DENND2B: variants seen among roughly 807,000 people sequenced by gnomAD.
DENND2B encodes DENN domain-containing protein 2B.
DENND2B carries 32 observed loss-of-function variants against 116.0 expected under a neutral mutation model. The observed-to-expected ratio is 0.28, with a 90% confidence interval of 0.21 to 0.37. The LOEUF (loss-of-function observed/expected upper bound fraction) is 0.37, where lower values mean the gene tolerates loss of function less well. Ranked by LOEUF, DENND2B falls within the 10% of genes least tolerant of loss-of-function variation. DENND2B has a pLI of 1.00. For missense variants in DENND2B, 1,276 were observed against 1,477.7 expected, an observed-to-expected ratio of 0.86 and a Z score of 2.24; for synonymous variants, 588 against 583.9, an observed-to-expected ratio of 1.01 and a Z score of -0.10.
At position 8,707,277 on chromosome 11, in the gene DENND2B, T is replaced by TC; in HGVS notation, c.2431-53dup. ...AGGAAGGGTGTCAGGGCACTGCCCT[T>TC]CCCCCTCCTGGCAGAGAAGAGGGCA... On this transcript the variant is annotated intron_variant, in intron 12 of 19. Transcript: ENST00000313726. The surrounding 1 kb of genome is among the most constrained non-coding windows in gnomAD (Gnocchi z 4.8). 6.4e-7 allele frequency: 1 copy of TC among 1,569,446 alleles called. No homozygotes were observed. The highest frequency in any genetic ancestry group is 1.2e-5 in the South Asian group (1 of 84,774).
intron 5 of DENND2B, among the ~76,000 whole-genome samples, chr11:8,716,308 C>G (rs2044768925): frequency 1.3e-5 from 2 of 152,220 alleles, no homozygotes; most frequent in Admixed American, 6.5e-5. Flanking sequence ...CACAGGGGCT[C>G]TGGGCTCTGA....
At chr11:8,735,950 G>T (rs1199827974) in intron 2 of DENND2B, among the ~76,000 whole-genome samples, 1 of 152,216 alleles carries the variant, frequency 6.6e-6, no homozygotes, top group Non-Finnish European at 1.5e-5. Context: ...CTCAAACTGA[G>T]ACTCGGAGGG....
At chr11:8,872,329 A>T (rs1235532405), upstream of DENND2B, among the ~76,000 whole-genome samples, 2 of 152,036 alleles carry the variant, frequency 1.3e-5, no homozygotes, top group Non-Finnish European at 2.9e-5. Context: ...TCTACTAAAA[A>T]TACGAAAGTT....
chr11:8,783,736 G>A (rs1164297639), intron 1 of DENND2B, among the ~76,000 whole-genome samples: 1 of 150,050 alleles, frequency 6.7e-6, no homozygotes, highest in Non-Finnish European at 1.5e-5. Context: ...TCTGGTAATA[G>A]CAGATGAGTT....
chr11:8,754,029 G>GTGCACACACACACACACA (rs1555169750), intron 1 of DENND2B, among the ~76,000 whole-genome samples: 2 of 138,734 alleles, frequency 1.4e-5, no homozygotes, highest in African/African-American at 2.7e-5. Flanking sequence ...CCAAAAGCGC[G>GTGCACACACACACACACA]CACACACACA....
upstream of DENND2B, among the ~76,000 whole-genome samples, chr11:8,813,923 C>T (rs1006455933): frequency 3.3e-5 from 5 of 152,166 alleles, no homozygotes; most frequent in African/African-American, 1.2e-4. Flanking sequence ...AGCTGAATCC[C>T]ACCACTGCCT....
At position 8,698,969 on chromosome 11, in the gene DENND2B, C is replaced by G. The variant is rs750902969; in HGVS notation, c.2904G>C (p.Leu968=). 2.5e-6 allele frequency: 4 copies of G among 1,614,182 alleles called. No homozygotes were observed. Among genetic ancestry groups the G allele is most frequent in the Non-Finnish European group, 3.4e-6 (4 of 1,180,046 alleles). ...KLKELPVEEA[L]MVNLGSDRFI... is the part of the protein sequence containing the mutation. ...ATCGGTCAGATCCCAGATTCACCAT[C>G]AGCGCCTGAGAAAAGGAGTCATTAG... Residue 968 remains leucine, a synonymous_variant, in exon 16 of 20, where the codon CTG becomes CTC. Transcript: ENST00000313726.
chr11:8,843,695 T>A (rs1179015619), intron 3 of DENND2B, among the ~76,000 whole-genome samples: 2 of 152,142 alleles, frequency 1.3e-5, no homozygotes, highest in African/African-American at 4.8e-5. Flanking sequence ...AATAATACGC[T>A]GTCTGGCTGC....
intron 13 of DENND2B, among the ~76,000 whole-genome samples, chr11:8,705,516 G>A (rs1353098481): frequency 6.6e-6 from 1 of 152,124 alleles, no homozygotes; most frequent in Non-Finnish European, 1.5e-5. Context: ...CCCCAGGACT[G>A]AGGAGGACCC....
intron 1 of DENND2B, among the ~76,000 whole-genome samples, chr11:8,902,065 T>A (rs927797603): frequency 6.6e-6 from 1 of 152,168 alleles, no homozygotes. Flanking sequence ...CGGTGGCTCA[T>A]GCCTGTAATC....
chr11:8,882,484 A>G (rs2063913712), intron 1 of DENND2B, among the ~76,000 whole-genome samples: 1 of 152,196 alleles, frequency 6.6e-6, no homozygotes, highest in African/African-American at 2.4e-5. Flanking sequence ...TTATTTATCT[A>G]TCAGTATAAG....
chr11:8,699,968 G>A (rs1456749586), intron 14 of DENND2B: 4 of 456,274 alleles, frequency 8.8e-6, no homozygotes, highest in Non-Finnish European at 1.8e-5. Flanking sequence ...ACAAGACCTT[G>A]GGATCGTCCC....
chr11:8,767,930 CAG>C (rs2056158362), intron 1 of DENND2B, among the ~76,000 whole-genome samples: 1 of 152,138 alleles, frequency 6.6e-6, no homozygotes, highest in African/African-American at 2.4e-5. Context: ...GGCAGTGACT[CAG>C]AAAAGGAATG....
At chr11:8,718,414 G>A (rs983476637) in intron 4 of DENND2B, 3 of 1,529,562 alleles carry the variant, frequency 2.0e-6, no homozygotes, top group South Asian at 1.2e-5. Context: ...GGCTTCGCCA[G>A]GCCCCCTTCT....
intron 3 of DENND2B, among the ~76,000 whole-genome samples, chr11:8,847,096 T>A (rs575716632): frequency 2.0e-5 from 3 of 152,246 alleles, no homozygotes; most frequent in Admixed American, 2.0e-4. Flanking sequence ...GGCTTCACAC[T>A]TGCTAACCAC....
At chr11:8,761,385 C>T (rs2054594583) in intron 1 of DENND2B, among the ~76,000 whole-genome samples, 1 of 152,178 alleles carries the variant, frequency 6.6e-6, no homozygotes, top group Admixed American at 6.5e-5. Flanking sequence ...CCATAAAAAA[C>T]CCTGCTCCTG....
chr11:8,848,332 T>C (rs1319888451), intron 3 of DENND2B, among the ~76,000 whole-genome samples: 1 of 152,234 alleles, frequency 6.6e-6, no homozygotes, highest in African/African-American at 2.4e-5. Flanking sequence ...TTTTAAGTTT[T>C]ACAAATAAGA....
At chr11:8,867,729 C>G (rs1273189303) in intron 2 of DENND2B, among the ~76,000 whole-genome samples, 1 of 151,788 alleles carries the variant, frequency 6.6e-6, no homozygotes, top group Non-Finnish European at 1.5e-5. Flanking sequence ...ACCACAGGCA[C>G]ATGCCAACAT....
intron 4 of DENND2B, chr11:8,718,899 A>T (rs933904212): frequency 1.0e-6 from 1 of 992,946 alleles, no homozygotes; most frequent in African/African-American, 1.7e-5. Flanking sequence ...GGGCCGGGTC[A>T]GTCCTAGCTC....
Sources: allele counts gnomAD v4.1 joint callset (sites outside exome capture counted in the v4.1 genomes callset), GRCh38; gene constraint gnomAD v4.1.1; non-coding constraint Gnocchi (gnomAD v3.1); transcripts MANE v1.5; gene names NCBI Gene and HGNC (gene_info 2026-07-23, HGNC 2026-07-21).